ANXA6: variants seen among roughly 807,000 people sequenced by gnomAD.
The protein encoded by ANXA6 is annexin A6.
Under a neutral mutation model 95.4 loss-of-function variants are expected in ANXA6, and 71 were observed. The observed-to-expected ratio is 0.74, with a 90% CI of 0.61 to 0.91. The LOEUF (loss-of-function observed/expected upper bound fraction) is 0.91. ANXA6 is among the 40% of genes least tolerant of loss of function. The probability of loss-of-function intolerance (pLI) is 0.00; values close to 1 mark genes in which losing one functional copy is unlikely to be tolerated. For missense variants in ANXA6, 830 were observed against 876.4 expected, an observed-to-expected ratio of 0.95 and a Z score of 0.67; for synonymous variants, 289 against 315.9, an observed-to-expected ratio of 0.91 and a Z score of 0.90.
intron 20 of ANXA6, among the ~76,000 whole-genome samples, chr5:151,112,698 C>A (rs375348956): frequency 2.7e-4 from 41 of 152,230 alleles, no homozygotes; most frequent in Middle Eastern, 3.4e-3. Flanking sequence ...GTGGCGCACG[C>A]CGTTATTCCC....
chr5:151,129,285 C>T (rs888867549), intron 12 of ANXA6, 122 bp downstream of exon 12: 1 of 1,276,004 alleles, frequency 7.8e-7, no homozygotes, highest in Non-Finnish European at 1.1e-6. Flanking sequence ...GCAGGAGCTC[C>T]TGGAATGTCC....
intron 21 of ANXA6, 145 bp downstream of exon 21, chr5:151,110,482 T>C: frequency 1.1e-6 from 1 of 879,034 alleles, no homozygotes. Context: ...CTGGCCTATC[T>C]TTTACCAAGC....
chr5:151,133,702 G>A (rs1765581109), intron 8 of ANXA6, among the ~76,000 whole-genome samples: 1 of 152,192 alleles, frequency 6.6e-6, no homozygotes, highest in Admixed American at 6.5e-5. Flanking sequence ...TGTGGTACAT[G>A]ACTATACCTA....
At chr5:151,142,079 CT>C (rs1262903458) in intron 2 of ANXA6, among the ~76,000 whole-genome samples, 3 of 152,234 alleles carry the variant, frequency 2.0e-5, no homozygotes, top group Admixed American at 6.5e-5. Context: ...AACTGGGGTC[CT>C]CCAGGAATTT....
intron 2 of ANXA6, among the ~76,000 whole-genome samples, chr5:151,143,266 A>G (rs1765884836): frequency 6.6e-6 from 1 of 152,028 alleles, no homozygotes; most frequent in South Asian, 2.1e-4. Flanking sequence ...ATAAGAAGGG[A>G]CAACCACCAC....
Position 151,126,600 on chromosome 5 carries a change from C to T in ANXA6, c.978-120G>A. 5 of 757,962 alleles carry T rather than the reference C, an allele frequency of 6.6e-6. No individual in the cohort carries two copies. The South Asian group carries it at 8.1e-5, about 12-fold the overall frequency. 47.0% of individuals were successfully genotyped at this position (757,962 alleles called of 1,614,324 possible). On this transcript the variant is annotated intron_variant, in intron 13 of 25. Coordinates refer to ENST00000354546, the MANE Select transcript of ANXA6 (RefSeq NM_001155.5). The stretch of plus-strand genomic sequence containing the variant: ...AACACATACACACACGTGCACACAC[C>T]ACACACACATTAAGCTTTCTTTCTC...
In ANXA6 at chr5:151,109,867, C is replaced by T. The variant is rs1211803573; in HGVS notation, c.1591-21G>A. The T allele has an allele frequency of 1.9e-6, 3 of 1,553,652 alleles. No individual in the cohort carries two copies. The African/African-American group carries it at 4.1e-5, about 21-fold the overall frequency. On this transcript the variant is annotated intron_variant, in intron 21 of 25. Coordinates refer to ENST00000354546, the MANE Select transcript of ANXA6 (RefSeq NM_001155.5). ...ATTTCCTGCAGAGCCCCAGTTGGAG[C>T]AAGGATTTGGGAGGGGAGACATGAG...
At chr5:151,112,330 T>C (rs1361133768) in intron 20 of ANXA6, among the ~76,000 whole-genome samples, 2 of 152,238 alleles carry the variant, frequency 1.3e-5, no homozygotes, top group Non-Finnish European at 2.9e-5. Flanking sequence ...CACTTTCTCA[T>C]ACTTCCTGGG....
intron 20 of ANXA6, among the ~76,000 whole-genome samples, chr5:151,113,822 T>C (rs1764919597): frequency 6.6e-6 from 1 of 152,214 alleles, no homozygotes; most frequent in South Asian, 2.1e-4. Flanking sequence ...CAAAAACTTG[T>C]ACACAAATGT....
chr5:151,139,895 G>A (rs1326900645), intron 3 of ANXA6, among the ~76,000 whole-genome samples: 1 of 152,214 alleles, frequency 6.6e-6, no homozygotes, highest in Non-Finnish European at 1.5e-5. Flanking sequence ...ATCTACCAAG[G>A]AAACTTCAAC....
At chr5:151,124,461 T>C in intron 14 of ANXA6, 94 bp from the exon 15 acceptor site, 1 of 1,282,520 alleles carries the variant, frequency 7.8e-7, no homozygotes, top group Non-Finnish European at 1.1e-6. Context: ...GCTCACCCCA[T>C]GAGCCCAAAC....
chr5:151,139,321 C>A, intron 4 of ANXA6, 32 bp downstream of exon 4: 1 of 1,480,100 alleles, frequency 6.8e-7, no homozygotes. Context: ...CTTCCACCCG[C>A]ACCCCATGGG....
chr5:151,108,432 T>G, intron 23 of ANXA6, 23 bp downstream of exon 23: 3 of 1,605,160 alleles, frequency 1.9e-6, no homozygotes, highest in Non-Finnish European at 2.6e-6. Context: ...CCCCCAGCCC[T>G]TCCCTTAGTC....
rs528848479 is a variant in ANXA6 at position 151,137,586 on chromosome 5, G to T, written c.319-265C>A. Among the ~76,000 whole-genome samples the T allele has an allele frequency of 6.1e-4, 93 of 152,288 alleles. 1 individual carries two copies. Among genetic ancestry groups the T allele is most frequent in the African/African-American group, 2.1e-3 (86 of 41,558 alleles). The stretch of plus-strand genomic sequence containing the variant: ...CTGGTGGGAGGTGGTTGGATCATGG[G>T]GGCGGTTTCTCATGAATAGTTAGCA... On this transcript the variant is annotated intron_variant, in intron 5 of 25. Coordinates refer to ENST00000354546, the MANE Select transcript of ANXA6 (RefSeq NM_001155.5).
chr5:151,123,723 A>C (rs765052153), intron 15 of ANXA6, among the ~76,000 whole-genome samples: 86 of 152,332 alleles, frequency 5.6e-4, no homozygotes, highest in Non-Finnish European at 1.2e-3. Flanking sequence ...GCAGAAAGGC[A>C]AAGAAAGCCA....
intron 6 of ANXA6, among the ~76,000 whole-genome samples, chr5:151,136,767 C>T (rs1204560306): frequency 6.6e-6 from 1 of 152,252 alleles, no homozygotes; most frequent in Non-Finnish European, 1.5e-5. Flanking sequence ...CTCTACCTGT[C>T]TAGCCTTGTA....
intron 1 of ANXA6, among the ~76,000 whole-genome samples, chr5:151,154,348 C>T (rs1766182504): frequency 6.8e-6 from 1 of 147,954 alleles, no homozygotes; most frequent in Non-Finnish European, 1.5e-5. Context: ...CCATACACAA[C>T]CCATAACCAA....
chr5:151,149,292 T>A (rs1456783813), intron 1 of ANXA6, among the ~76,000 whole-genome samples: 1 of 149,874 alleles, frequency 6.7e-6, no homozygotes, highest in Non-Finnish European at 1.5e-5. Flanking sequence ...GGGTCTACAG[T>A]GAAGGAACAA....
intron 23 of ANXA6, among the ~76,000 whole-genome samples, chr5:151,106,370 C>T (rs891676783): frequency 5.3e-5 from 8 of 152,122 alleles, no homozygotes; most frequent in Non-Finnish European, 1.2e-4. Context: ...GCTGGAGTTG[C>T]GTACCCCAGT....
Sources: gnomAD v4.1 joint callset for allele counts (sites outside exome capture counted in the v4.1 genomes callset) on GRCh38, gnomAD v4.1.1 for gene constraint, MANE v1.5 for transcripts, NCBI Gene and HGNC (gene_info 2026-07-23, HGNC 2026-07-21) for gene names.